The following TPRA1 variants were observed in gnomAD, a reference collection of about 807,000 sequenced individuals.
TPRA1 encodes transmembrane protein adipocyte associated 1.
Under a neutral mutation model 40.1 loss-of-function variants are expected in TPRA1, and 28 were observed. The observed-to-expected ratio is 0.70, with a 90% CI of 0.52 to 0.96. The LOEUF is 0.96. TPRA1 is among the 40% of genes least tolerant of loss of function. TPRA1 has a pLI of 0.00. For synonymous variants in TPRA1, 219 were observed against 209.7 expected (o/e 1.04, Z -0.38); for missense variants, 441 against 482.6 (o/e 0.91, Z 0.81).
rs745472221 is a variant in TPRA1 at position 127,573,686 on chromosome 3, G to C, written c.957C>G (p.Gly319=). ...PQPYAVARRE[G]LEAAGAAGAS... ...CCCCAGCAGCCCCTGCAGCCTCCAG[G>C]CCCTCCCGCCGGGCCACAGCGTAGG... The change falls in exon 11 of 11, where the codon GGC becomes GGG. Residue 319 remains glycine (G), a synonymous_variant. Coordinates refer to ENST00000355552, the MANE Select transcript of TPRA1 (RefSeq NM_001136053.4). 3 of 1,613,440 alleles carry C rather than the reference G, an allele frequency of 1.9e-6. No individual in the cohort carries two copies. The highest frequency in any genetic ancestry group is 2.2e-5 in the East Asian group (1 of 44,894).
chr3:127,587,800 C>T (rs2074044234), intron 1 of TPRA1, among the ~76,000 whole-genome samples: 1 of 151,872 alleles, frequency 6.6e-6, no homozygotes, highest in South Asian at 2.1e-4. Context: ...CCTCAGCCTC[C>T]CAAGTTGCTG....
chr3:127,575,329 C>G (rs1164972145), intron 9 of TPRA1, 64 bp from the exon 10 acceptor site: 1 of 1,584,156 alleles, frequency 6.3e-7, no homozygotes, highest in Non-Finnish European at 8.6e-7. Context: ...CCTCCCCATG[C>G]CCCCAGCGGG....
chr3:127,576,912 C>G lies in TPRA1; in HGVS notation c.346-19G>C. On this transcript the variant is annotated intron_variant, in intron 4 of 10. Transcript: ENST00000355552. The surrounding 1 kb of genome is among the most constrained non-coding windows in gnomAD (Gnocchi z 4.6). ...ACAGGATCTGCACGCAGAGTGGGCA[C>G]AGCGTCAGCCTGGACCAGCATCCCC... is the stretch of plus-strand genomic sequence containing the variant. 1 of 1,613,724 alleles carries G rather than the reference C, an allele frequency of 6.2e-7. No individual in the cohort carries two copies. The highest frequency in any genetic ancestry group is 8.5e-7 in the Non-Finnish European group (1 of 1,180,006).
chr3:127,574,048 C>T (rs188150117), intron 10 of TPRA1, among the ~76,000 whole-genome samples: 8 of 152,278 alleles, frequency 5.3e-5, no homozygotes, highest in African/African-American at 1.9e-4. Context: ...GTGTGGACAC[C>T]GTGTGGAGGA....
Position 127,571,550 on chromosome 3 carries a change from T to G in TPRA1, c.*1971A>C, listed in dbSNP as rs929037552. ...TGCCATATATCCATATATATGTAGC[T>G]GCAGGGGTGAAGCAGTCCTCCACTT... On this transcript the variant is annotated 3_prime_UTR_variant, in exon 11 of 11. Coordinates refer to ENST00000355552, the MANE Select transcript of TPRA1 (RefSeq NM_001136053.4). 2 of 152,230 alleles carry G rather than the reference T, an allele frequency of 1.3e-5. No individual in the cohort carries two copies. The highest frequency in any genetic ancestry group is 4.8e-5 in the African/African-American group (2 of 41,458). The allele number at this position is 152,230 out of a possible 1,614,324, so 9.4% of individuals were successfully genotyped here. A position where few individuals can be genotyped will look rare whatever the true frequency, so the allele number is the denominator to read the frequency against.
chr3:127,582,313 C>T (rs2073857613), intron 1 of TPRA1, among the ~76,000 whole-genome samples: 1 of 152,146 alleles, frequency 6.6e-6, no homozygotes, highest in South Asian at 2.1e-4. Flanking sequence ...CACTTGCAAT[C>T]CCAACACTTT....
intron 1 of TPRA1, 101 bp from the exon 2 acceptor site, chr3:127,580,264 G>C: frequency 7.3e-7 from 1 of 1,370,746 alleles, no homozygotes; most frequent in Non-Finnish European, 9.8e-7. Flanking sequence ...GGGCTGCACA[G>C]AGCACCCCTG....
intron 1 of TPRA1, among the ~76,000 whole-genome samples, chr3:127,581,932 A>G (rs1030527146): frequency 2.6e-5 from 4 of 151,888 alleles, no homozygotes; most frequent in African/African-American, 7.3e-5. Context: ...AAAAAAAAAA[A>G]AAAAAGAAAA....
intron 10 of TPRA1, among the ~76,000 whole-genome samples, chr3:127,574,613 C>T (rs1045534639): frequency 6.6e-6 from 1 of 152,250 alleles, no homozygotes; most frequent in Non-Finnish European, 1.5e-5. Flanking sequence ...GGCCTCGCAT[C>T]TTCTGGCTCT....
chr3:127,588,057 G>C (rs557149759), intron 1 of TPRA1: 1 of 152,430 alleles, frequency 6.6e-6, no homozygotes, highest in Admixed American at 6.5e-5. Flanking sequence ...AGCTCAGAGG[G>C]GCAGCCACTT....
At chr3:127,584,334 G>C (rs1337999826) in intron 1 of TPRA1, among the ~76,000 whole-genome samples, 10 of 149,566 alleles carry the variant, frequency 6.7e-5, no homozygotes, top group Admixed American at 2.0e-4. Flanking sequence ...TTAGCTACTC[G>C]GTGGGGCCGA....
intron 3 of TPRA1, among the ~76,000 whole-genome samples, chr3:127,577,619 G>A (rs984618794): frequency 3.3e-5 from 5 of 152,124 alleles, no homozygotes; most frequent in Admixed American, 2.0e-4. Flanking sequence ...TCACCGAGAA[G>A]AGGTGCAGAG....
In TPRA1 at chr3:127,572,132, C is replaced by T. The variant is rs574881454; in HGVS notation, c.*1389G>A. 1.3e-5 allele frequency among the ~76,000 whole-genome samples: 2 copies of T among 152,182 alleles called. No homozygotes were observed. The highest frequency in any genetic ancestry group is 2.1e-4 in the South Asian group (1 of 4,832). ...CACTGGCCGTACTGTTGGCCCTGTC[C>T]GCTATCAACCCTCCAGGCCCTCCCA... is the stretch of plus-strand genomic sequence containing the variant. On this transcript the variant is annotated 3_prime_UTR_variant, in exon 11 of 11. Transcript: ENST00000355552.
At chr3:127,593,640 C>A (rs889625850), upstream of TPRA1, among the ~76,000 whole-genome samples, 2 of 152,026 alleles carry the variant, frequency 1.3e-5, no homozygotes, top group African/African-American at 4.8e-5. Context: ...ACTGGTGCCA[C>A]CCTTGAAGAC....
intron 10 of TPRA1, among the ~76,000 whole-genome samples, 194 bp from the exon 11 acceptor site, chr3:127,573,982 G>A (rs2107617147): frequency 6.6e-6 from 1 of 152,292 alleles, no homozygotes; most frequent in South Asian, 2.1e-4. Flanking sequence ...CCTCCCCCTG[G>A]CTGTGTGAGC....
At position 127,573,884 on chromosome 3, in the gene TPRA1, T is replaced by C. The variant is rs962758549; in HGVS notation, c.855-96A>G. ...ATGGGGCCACCAGATAAGGAAGGAA[T>C]TGACCAACAGTCGCCTGACACCCAC... is the stretch of plus-strand genomic sequence containing the variant. On this transcript the variant is annotated intron_variant, in intron 10 of 10. Coordinates refer to ENST00000355552, the MANE Select transcript of TPRA1 (RefSeq NM_001136053.4). The C allele has an allele frequency of 1.5e-5, 21 of 1,442,108 alleles. No individual in the cohort carries two copies. In the African/African-American group the frequency reaches 2.1e-4, roughly 15 times the overall value. The allele number at this position is 1,442,108 out of a possible 1,614,324, so 89.3% of individuals were successfully genotyped here.
At chr3:127,595,915 C>A (rs2074235961) in intron 1 of TPRA1, among the ~76,000 whole-genome samples, 1 of 152,090 alleles carries the variant, frequency 6.6e-6, no homozygotes, top group Admixed American at 6.5e-5. Flanking sequence ...GAAGGGGATC[C>A]TCCTGAAGAT....
chr3:127,576,609 C>G lies in TPRA1; in HGVS notation c.498+8G>C. On this transcript the variant is annotated splice_region_variant and intron_variant, in intron 6 of 10. Coordinates refer to ENST00000355552, the MANE Select transcript of TPRA1 (RefSeq NM_001136053.4). This position sits in a 1 kb window ranked among gnomAD's most constrained non-coding sequence, Gnocchi z 4.6. Reference sequence around the variant, plus strand: ...CCTAGCGTCCCCTGCCCACACTCACCCTCTTACCTGGGTGACAGAGTAGGC... The same window carrying G: ...CCTAGCGTCCCCTGCCCACACTCACGCTCTTACCTGGGTGACAGAGTAGGC... 6.3e-7 allele frequency: 1 copy of G among 1,595,754 alleles called. No homozygotes were observed. Among genetic ancestry groups the G allele is most frequent in the Non-Finnish European group, 8.5e-7 (1 of 1,170,934 alleles).
rs1576358123 is a variant in TPRA1 at position 127,572,456 on chromosome 3, T to A, written c.*1065A>T. Among the ~76,000 whole-genome samples, 2 of 152,154 alleles carry A rather than the reference T, an allele frequency of 1.3e-5. No homozygotes were observed. Among genetic ancestry groups the A allele is most frequent in the South Asian group, 4.1e-4 (2 of 4,826 alleles). ...GTACAAGGGCAGTGGCAGGGACAAG[T>A]GGGCCCCTCTCCCCTACTCATGCCT... On this transcript the variant is annotated 3_prime_UTR_variant, in exon 11 of 11. Transcript: ENST00000355552.
Sources: allele counts gnomAD v4.1 joint callset (sites outside exome capture counted in the v4.1 genomes callset), GRCh38; gene constraint gnomAD v4.1.1; non-coding constraint Gnocchi (gnomAD v3.1); transcripts MANE v1.5; gene names NCBI Gene and HGNC (gene_info 2026-07-23, HGNC 2026-07-21).